AVEN: variants seen among roughly 807,000 people sequenced by gnomAD.
AVEN encodes apoptosis and caspase activation inhibitor, also known as cell death regulator Aven.
In AVEN, 41 loss-of-function variants were observed where a neutral mutation model predicts 38.1. That is an observed-to-expected ratio of 1.08 (90% CI 0.84 to 1.40). The LOEUF is 1.40. Ranked by LOEUF, AVEN falls within the 40% of genes most tolerant of loss-of-function variation. AVEN has a pLI of 0.00. For missense variants in AVEN, 605 were observed against 438.8 expected (o/e 1.38, Z -3.38); for synonymous variants, 206 against 171.8 (o/e 1.20, Z -1.56).
intron 2 of AVEN, 120 bp downstream of exon 2, chr15:34,002,912 T>C: frequency 1.0e-6 from 1 of 990,176 alleles, no homozygotes; most frequent in African/African-American, 1.7e-5. Context: ...TTACTTGAAT[T>C]AAAAATCCAA....
chr15:33,933,366 T>A (rs1400657641), intron 2 of AVEN, among the ~76,000 whole-genome samples: 1 of 152,032 alleles, frequency 6.6e-6, no homozygotes, highest in Non-Finnish European at 1.5e-5. Flanking sequence ...TCTGTTCAGC[T>A]CCATATGGAG....
chr15:34,056,954 C>T (rs1021909159), intron 5 of AVEN, among the ~76,000 whole-genome samples: 10 of 151,992 alleles, frequency 6.6e-5, no homozygotes, highest in Non-Finnish European at 1.5e-4. Context: ...TGGGGGGATC[C>T]CTTGAGCCCA....
intron 2 of AVEN, among the ~76,000 whole-genome samples, chr15:33,987,241 G>A (rs181575783): frequency 3.3e-5 from 5 of 152,260 alleles, no homozygotes; most frequent in Admixed American, 3.3e-4. Context: ...TATCCCATAT[G>A]TGCTTTATTC....
chr15:33,864,468 T>C (rs1253330000), downstream of AVEN, among the ~76,000 whole-genome samples: 2 of 152,096 alleles, frequency 1.3e-5, no homozygotes, highest in Non-Finnish European at 2.9e-5. Context: ...AGAAATTGTC[T>C]GACAATAAGA....
downstream of AVEN, chr15:33,865,163 G>C: frequency 6.2e-7 from 1 of 1,613,724 alleles, no homozygotes; most frequent in Non-Finnish European, 8.5e-7. Flanking sequence ...ACCAAGAAAG[G>C]TGTTGGGATT....
At chr15:34,036,652 A>C (rs35531038) in intron 1 of AVEN, among the ~76,000 whole-genome samples, 22,537 of 152,226 alleles carry the variant, frequency 0.15, 2,080 homozygotes, top group Middle Eastern at 0.27. Context: ...AAATTAAGGA[A>C]CAATCTGCCC....
chr15:33,920,983 C>CCAGG (rs1450542555), intron 2 of AVEN, among the ~76,000 whole-genome samples: 1 of 152,092 alleles, frequency 6.6e-6, no homozygotes, highest in African/African-American at 2.4e-5. Flanking sequence ...ACCATGTTGC[C>CCAGG]CAGGCTAGTT....
chr15:33,935,060 G>T (rs1467573212), intron 2 of AVEN, among the ~76,000 whole-genome samples: 1 of 152,106 alleles, frequency 6.6e-6, no homozygotes, highest in East Asian at 1.9e-4. Context: ...CTCTTTCCCG[G>T]GGTGGAACGA....
Position 33,997,609 on chromosome 15 carries a change from CAAG to C in AVEN, c.445+5420_445+5422del, listed in dbSNP as rs1197223677. 5.3e-5 allele frequency among the ~76,000 whole-genome samples: 8 copies of C among 152,282 alleles called. No individual in the cohort carries two copies. In the East Asian group the frequency reaches 5.8e-4, roughly 11 times the overall value. On this transcript the variant is annotated intron_variant, in intron 2 of 5. Transcript: ENST00000306730. ...CCCACCTCTCCAACTCACACTTTCT[CAAG>C]AAGGTCAATAATCCTTCTGCCCTGA...
chr15:33,970,433 G>C (rs1895585273), intron 2 of AVEN, among the ~76,000 whole-genome samples: 1 of 151,694 alleles, frequency 6.6e-6, no homozygotes, highest in African/African-American at 2.4e-5. Context: ...TTGTTTCAGA[G>C]AAAAAAATGT....
rs190406640 is a variant in AVEN at position 33,984,447 on chromosome 15, G to A, written c.445+18585C>T. On this transcript the variant is annotated intron_variant, in intron 2 of 5. Coordinates refer to ENST00000306730, the MANE Select transcript of AVEN (RefSeq NM_020371.3). ...GACAGAGTTTCACTCTTGTTGCTCA[G>A]GCTGGAGTGCAATGGCATGATCTCG... Among the ~76,000 whole-genome samples the A allele has an allele frequency of 2.8e-3, 431 of 151,806 alleles. 2 individuals carry two copies. The highest frequency in any genetic ancestry group is 4.6e-3 in the Non-Finnish European group (315 of 67,940).
chr15:33,880,803 G>A (rs1303490602), intron 2 of AVEN, among the ~76,000 whole-genome samples: 1 of 152,066 alleles, frequency 6.6e-6, no homozygotes, highest in African/African-American at 2.4e-5. Flanking sequence ...TAAGATATTG[G>A]GGACATGAGA....
At chr15:33,978,914 G>C (rs1022010575) in intron 2 of AVEN, among the ~76,000 whole-genome samples, 7 of 130,388 alleles carry the variant, frequency 5.4e-5, no homozygotes, top group African/African-American at 1.8e-4. Context: ...AGAGGAAAGA[G>C]ATGTATGTCC....
intron 11 of AVEN, chr15:33,860,616 G>C: frequency 3.1e-6 from 5 of 1,591,932 alleles, no homozygotes; most frequent in Non-Finnish European, 4.3e-6. Context: ...GATGCTTTCG[G>C]AGAGCTAAGA....
At chr15:34,006,279 C>A (rs1315737830) in intron 1 of AVEN, among the ~76,000 whole-genome samples, 2 of 151,668 alleles carry the variant, frequency 1.3e-5, no homozygotes, top group African/African-American at 2.4e-5. Flanking sequence ...CCATTGCAAT[C>A]CAGCCCGGGC....
At chr15:33,960,476 C>T (rs1264928607) in intron 2 of AVEN, among the ~76,000 whole-genome samples, 3 of 151,698 alleles carry the variant, frequency 2.0e-5, no homozygotes, top group African/African-American at 7.3e-5. Flanking sequence ...GTTGCCACTT[C>T]CACTAGAAAT....
chr15:33,861,192 G>A, intron 11 of AVEN: 1 of 1,552,320 alleles, frequency 6.4e-7, no homozygotes. Flanking sequence ...AGTATTCTTG[G>A]TTAACAAAAG....
chr15:34,020,104 G>A (rs919802950), intron 1 of AVEN, among the ~76,000 whole-genome samples: 4 of 152,148 alleles, frequency 2.6e-5, no homozygotes, highest in African/African-American at 9.7e-5. Context: ...AAGGTCAGGA[G>A]ATCGAGACCA....
intron 1 of AVEN, among the ~76,000 whole-genome samples, chr15:34,073,717 C>T (rs940641312): frequency 3.3e-5 from 5 of 149,730 alleles, no homozygotes; most frequent in Non-Finnish European, 7.4e-5. Flanking sequence ...GATGGGGTCT[C>T]GCCATGTTGG....
Sources: gnomAD v4.1 joint callset for allele counts (sites outside exome capture counted in the v4.1 genomes callset) on GRCh38, gnomAD v4.1.1 for gene constraint, MANE v1.5 for transcripts, NCBI Gene and HGNC (gene_info 2026-07-23, HGNC 2026-07-21) for gene names.